FAM135B: variants seen among roughly 807,000 people sequenced by gnomAD.
FAM135B encodes the protein family with sequence similarity 135 member B, also known as protein FAM135B.
A neutral mutation model predicts 127.7 loss-of-function variants in FAM135B; 43 were observed. That is an observed-to-expected ratio of 0.34 (90% confidence interval 0.26 to 0.43). The LOEUF (loss-of-function observed/expected upper bound fraction) is 0.43, where lower values mean the gene tolerates loss of function less well. Ranked by LOEUF, FAM135B falls within the 20% of genes least tolerant of loss-of-function variation. The pLI is 1.00. For missense variants in FAM135B, 1,558 were observed against 1,725.6 expected (o/e 0.90, Z 1.72); for synonymous variants, 670 against 665.1 (o/e 1.01, Z -0.11).
chr8:138,158,705 T>C (rs1176355716), intron 12 of FAM135B, among the ~76,000 whole-genome samples: 1 of 152,178 alleles, frequency 6.6e-6, no homozygotes, highest in Non-Finnish European at 1.5e-5. Context: ...TCATCATCAC[T>C]GGCCATCAGA....
intron 11 of FAM135B, among the ~76,000 whole-genome samples, chr8:138,175,477 T>C (rs1273793262): frequency 6.6e-6 from 1 of 152,244 alleles, no homozygotes; most frequent in African/African-American, 2.4e-5. Context: ...CTTATCGCTT[T>C]GGCTAAAACA....
chr8:138,491,700 A>G (rs1217906463), intron 1 of FAM135B, among the ~76,000 whole-genome samples: 2 of 152,230 alleles, frequency 1.3e-5, no homozygotes, highest in African/African-American at 2.4e-5. Flanking sequence ...ACAGTGAACT[A>G]CGTAATATAT....
chr8:138,480,870 G>A (rs980506705), intron 1 of FAM135B, among the ~76,000 whole-genome samples: 4 of 152,206 alleles, frequency 2.6e-5, no homozygotes, highest in African/African-American at 9.6e-5. Flanking sequence ...ACTCTTGGCA[G>A]GGCACTCAAC....
chr8:138,132,360 A>G lies in FAM135B; in HGVS notation c.*233T>C. 1 of 489,856 alleles carries G rather than the reference A, an allele frequency of 2.0e-6. No homozygotes were observed. Among genetic ancestry groups the G allele is most frequent in the East Asian group, 3.6e-5 (1 of 28,156 alleles). The allele number at this position is 489,856 out of a possible 1,614,324, so 30.3% of individuals were successfully genotyped here. ...TTTTTCCTAGAAAACATCTTGAATG[A>G]CACTCCAGGTAACTATACAAATTCA... On this transcript the variant is annotated 3_prime_UTR_variant, in exon 20 of 20. Transcript: ENST00000395297. The surrounding 1 kb of genome is among the most constrained non-coding windows in gnomAD (Gnocchi z 4.5).
intron 6 of FAM135B, among the ~76,000 whole-genome samples, chr8:138,246,695 A>G (rs529139808): frequency 6.6e-6 from 1 of 152,296 alleles, no homozygotes; most frequent in Non-Finnish European, 1.5e-5. Flanking sequence ...CAGAGTCCCC[A>G]CTGGGACACT....
At chr8:138,370,087 G>A (rs1416130277) in intron 1 of FAM135B, among the ~76,000 whole-genome samples, 8 of 152,132 alleles carry the variant, frequency 5.3e-5, no homozygotes, top group Non-Finnish European at 8.8e-5. Flanking sequence ...TATTGGCCCC[G>A]AGCCACACAG....
rs2130740573 is a variant in FAM135B at position 138,151,726 on chromosome 8, C to T, written c.2749G>A (p.Ala917Thr). The change falls in exon 13 of 20, where the codon GCT (alanine) becomes ACT (threonine). Residue 917 changes from alanine (A) to threonine (T), a missense_variant. Physicochemically the swap from Ala to Thr is moderately conservative, Grantham distance 58. Around this residue, in one of 5 missense-constraint regions of FAM135B, gnomAD observed 923 missense variants for 865.3 expected, o/e 1.07. Coordinates refer to ENST00000395297, the MANE Select transcript of FAM135B (RefSeq NM_015912.4). ...MPKDLNVGQQ[A>T]LSNSGISEVE... Reference sequence around the variant, plus strand: ...TCTGAGATGCCACTGTTGGAAAGAGCTTGCTGACCCACATTCAAGTCTTTA... The same window carrying T: ...TCTGAGATGCCACTGTTGGAAAGAGTTTGCTGACCCACATTCAAGTCTTTA... 1 of 1,614,184 alleles carries T rather than the reference C, an allele frequency of 6.2e-7. No individual in the cohort carries two copies. The highest frequency in any genetic ancestry group is 2.2e-5 in the East Asian group (1 of 44,868).
At chr8:138,161,458 A>T (rs1363199596) in intron 12 of FAM135B, among the ~76,000 whole-genome samples, 3 of 152,212 alleles carry the variant, frequency 2.0e-5, no homozygotes, top group African/African-American at 4.8e-5. Flanking sequence ...GTCATGAAAT[A>T]GTCGTGTGAC....
chr8:138,371,461 A>G (rs983403366), intron 1 of FAM135B, among the ~76,000 whole-genome samples: 11 of 152,140 alleles, frequency 7.2e-5, no homozygotes, highest in African/African-American at 9.7e-5. Context: ...CTGGGTGCTG[A>G]AAAGACTGTC....
intron 2 of FAM135B, among the ~76,000 whole-genome samples, chr8:138,345,014 C>A (rs747041736): frequency 6.6e-6 from 1 of 152,204 alleles, no homozygotes; most frequent in Non-Finnish European, 1.5e-5. Context: ...AGGGACTGTT[C>A]TGTTTGGGTC....
At chr8:138,207,730 C>T (rs1817813293) in intron 7 of FAM135B, among the ~76,000 whole-genome samples, 1 of 152,138 alleles carries the variant, frequency 6.6e-6, no homozygotes, top group Non-Finnish European at 1.5e-5. Flanking sequence ...GCATAATAAT[C>T]CTGGCCTTTC....
intron 18 of FAM135B, among the ~76,000 whole-genome samples, chr8:138,138,569 G>T (rs1373400597): frequency 1.3e-5 from 2 of 152,230 alleles, no homozygotes; most frequent in African/African-American, 4.8e-5. Flanking sequence ...TATCATAGCA[G>T]GCCTGCCTGA....
At chr8:138,193,442 G>A (rs1320308813) in intron 9 of FAM135B, among the ~76,000 whole-genome samples, 1 of 152,168 alleles carries the variant, frequency 6.6e-6, no homozygotes, top group Non-Finnish European at 1.5e-5. Flanking sequence ...CACCCAGAAG[G>A]AAAGAGAGTG....
At chr8:138,495,428 C>T (rs547025980) in intron 1 of FAM135B, among the ~76,000 whole-genome samples, 148 of 152,320 alleles carry the variant, frequency 9.7e-4, no homozygotes, top group African/African-American at 3.5e-3. Flanking sequence ...TGACATAAAT[C>T]TCCAGATGAG....
rs1307157488 is a variant in FAM135B at position 138,141,612 on chromosome 8, T to C, written c.3639-263A>G. On this transcript the variant is annotated intron_variant, in intron 16 of 19. Coordinates refer to ENST00000395297, the MANE Select transcript of FAM135B (RefSeq NM_015912.4). This position sits in a 1 kb window ranked among gnomAD's most constrained non-coding sequence, Gnocchi z 4.7. ...GGCATTTCAGCCAGCTTCATGCTGC[T>C]AGAGCAGCCTGCTTTAATTCCACCT... 3.3e-5 allele frequency among the ~76,000 whole-genome samples: 5 copies of C among 152,212 alleles called. No individual in the cohort carries two copies. Among genetic ancestry groups the C allele is most frequent in the Non-Finnish European group, 7.3e-5 (5 of 68,044 alleles).
At chr8:138,229,836 AC>A (rs1162950571) in intron 7 of FAM135B, among the ~76,000 whole-genome samples, 1 of 152,066 alleles carries the variant, frequency 6.6e-6, no homozygotes, top group Non-Finnish European at 1.5e-5. Context: ...AACGGGGAAG[AC>A]CCTTATAAAA....
intron 3 of FAM135B, among the ~76,000 whole-genome samples, chr8:138,267,298 C>T (rs1823012932): frequency 6.6e-6 from 1 of 152,166 alleles, no homozygotes; most frequent in Non-Finnish European, 1.5e-5. Flanking sequence ...ACCATGCTGG[C>T]ATCCTGATCT....
chr8:138,405,061 T>C (rs1833385335), intron 1 of FAM135B, among the ~76,000 whole-genome samples: 1 of 152,176 alleles, frequency 6.6e-6, no homozygotes, highest in Non-Finnish European at 1.5e-5. Flanking sequence ...AATGTATTTC[T>C]TAAATAATAA....
rs544772013 is a variant in FAM135B at position 138,336,400 on chromosome 8, C to T, written c.78-25480G>A. On this transcript the variant is annotated intron_variant, in intron 2 of 19. Transcript: ENST00000395297. ...AGAAAAGAAAGAAGAATCAAATAGA[C>T]GCAATAAAAAATAACAAAGGGGATA... Among the ~76,000 whole-genome samples the T allele has an allele frequency of 9.9e-5, 15 of 152,072 alleles. No homozygotes were observed. The East Asian group carries it at 1.4e-3, about 14-fold the overall frequency.
Sources: gnomAD v4.1 joint callset for allele counts (sites outside exome capture counted in the v4.1 genomes callset) on GRCh38, gnomAD v4.1.1 for gene constraint, gnomAD v4.1.1 regional missense constraint, Gnocchi (gnomAD v3.1) non-coding constraint, MANE v1.5 for transcripts, NCBI Gene and HGNC (gene_info 2026-07-23, HGNC 2026-07-21) for gene names.